TRIM66: variants seen among roughly 807,000 people sequenced by gnomAD.
The protein encoded by TRIM66 is tripartite motif-containing protein 66.
Under a neutral mutation model 148.2 loss-of-function variants are expected in TRIM66, and 99 were observed. The ratio of observed to expected loss-of-function variants is 0.67; its 90% CI spans 0.57 to 0.79. The LOEUF (loss-of-function observed/expected upper bound fraction) is 0.79, where lower values mean the gene tolerates loss of function less well. Among genes scored for constraint, TRIM66 ranks in the 30% least tolerant of loss-of-function variants. The pLI is 0.00. For synonymous variants in TRIM66, 616 were observed against 635.9 expected, an observed-to-expected ratio of 0.97 and a Z score of 0.47; for missense variants, 1,666 against 1,697.9, an observed-to-expected ratio of 0.98 and a Z score of 0.33.
chr11:8,655,026 AT>A (rs2037699994), intron 6 of TRIM66, among the ~76,000 whole-genome samples: 1 of 151,774 alleles, frequency 6.6e-6, no homozygotes, highest in African/African-American at 2.4e-5. Flanking sequence ...ACGCCTGGCT[AT>A]TTTTGTATTT....
At chr11:8,642,184 TAGA>T (rs1232692629) in intron 13 of TRIM66, among the ~76,000 whole-genome samples, 1 of 152,176 alleles carries the variant, frequency 6.6e-6, no homozygotes, top group Non-Finnish European at 1.5e-5. Context: ...GAGACTTACT[TAGA>T]AGAAGTCTGA....
rs546349154 is a variant in TRIM66, at chr11:8,621,225, C to A, written c.3352G>T (p.Val1118Leu). The change falls in exon 20 of 25, where the codon GTG (valine) becomes TTG (leucine). Residue 1118 changes from valine to leucine, a missense_variant. Around this residue, in one of 3 missense-constraint regions of TRIM66, gnomAD observed 1,431 missense variants for 1,412.4 expected, o/e 1.01. Coordinates refer to ENST00000646038, the MANE Select transcript of TRIM66 (RefSeq NM_001388022.1). ...TGTTCTTCAGGAGATGTGCCCTCCA[C>A]TTCTGGTGGCCGCTGCCCAGCCAAA... ...TSLAGQRPPE[V>L]EGTSPEEHRL... The A allele has an allele frequency of 3.0e-4, 461 of 1,551,738 alleles. 6 individuals are homozygous for A. The South Asian group carries it at 5.1e-3, about 17-fold the overall frequency.
chr11:8,640,398 C>T lies in TRIM66; in HGVS notation c.1977G>A (p.Leu659=). ...GCTCCAAGTCCTTCTGCATTTCCTC[C>T]AGCTCAAACTTGTGATGCATTATGT... is the stretch of plus-strand genomic sequence containing the variant. ...NMDIMHHKFE[L]EEMQKDLELL... The change falls in exon 14 of 25, where the codon CTG becomes CTA. Residue 659 remains leucine, a synonymous_variant. Transcript: ENST00000646038. 6.4e-7 allele frequency: 1 copy of T among 1,551,918 alleles called. No homozygotes were observed. Among genetic ancestry groups the T allele is most frequent in the Non-Finnish European group, 8.7e-7 (1 of 1,147,052 alleles).
chr11:8,640,191 G>T (rs533377239), intron 14 of TRIM66, 36 bp downstream of exon 14: 1 of 1,534,542 alleles, frequency 6.5e-7, no homozygotes, highest in African/African-American at 1.4e-5. Context: ...TCCTACGATG[G>T]GCAGAATATG....
intron 6 of TRIM66, chr11:8,663,313 C>G (rs1333378141): frequency 1.3e-5 from 2 of 152,152 alleles, no homozygotes; most frequent in Non-Finnish European, 2.9e-5. Context: ...ATAGTCCCCC[C>G]CTTATTCATG....
chr11:8,624,281 G>T, intron 17 of TRIM66, 78 bp downstream of exon 17: 1 of 1,454,776 alleles, frequency 6.9e-7, no homozygotes, highest in Non-Finnish European at 9.2e-7. Context: ...TTGTCTGCTG[G>T]CCTCTCTTAC....
At chr11:8,657,022 C>T (rs2037885410) in intron 6 of TRIM66, among the ~76,000 whole-genome samples, 1 of 152,182 alleles carries the variant, frequency 6.6e-6, no homozygotes, top group Non-Finnish European at 1.5e-5. Flanking sequence ...AAGACCGCTG[C>T]TGGGACCTAG....
intron 15 of TRIM66, among the ~76,000 whole-genome samples, chr11:8,628,636 A>G (rs76876925): frequency 0.4 from 36,463 of 92,272 alleles, 8,097 homozygotes; most frequent in African/African-American, 0.44. Flanking sequence ...AAAAAAAAAA[A>G]AGAGAGAGAA....
In TRIM66 at chr11:8,624,873, G is replaced by C. The variant is rs1030087569; in HGVS notation, c.2666C>G (p.Thr889Ser). The C allele has an allele frequency of 1.3e-6, 2 of 1,551,724 alleles. No individual in the cohort carries two copies. The highest frequency in any genetic ancestry group is 1.2e-5 in the South Asian group (1 of 84,062). ...AGTTGCCAGACTCGGCACAGCCTGG[G>C]TGTGACCAGACATTAGGCTGGGCCC... is the stretch of plus-strand genomic sequence containing the variant. ...QAGPSLMSGH[T>S]QAVPSLATCP... Residue 889 changes from threonine to serine, a missense_variant, in exon 16 of 25, where the codon ACC becomes AGC. Physicochemically the swap from Thr to Ser is moderately conservative, Grantham distance 58. Around this residue, in one of 3 missense-constraint regions of TRIM66, gnomAD observed 1,431 missense variants for 1,412.4 expected, o/e 1.01. Transcript: ENST00000646038.
chr11:8,672,311 G>T lies in TRIM66; in HGVS notation c.-37C>A, dbSNP rs1205950269. 1 of 1,536,072 alleles carries T rather than the reference G, an allele frequency of 6.5e-7. No individual in the cohort carries two copies. The highest frequency in any genetic ancestry group is 8.7e-7 in the Non-Finnish European group (1 of 1,146,894). Reference sequence around the variant, plus strand: ...AAAACAAAGCGTGGAGGTGTCTGCTGTTTGTCTGAAGGCGAACAAACCCTT... The same window carrying T: ...AAAACAAAGCGTGGAGGTGTCTGCTTTTTGTCTGAAGGCGAACAAACCCTT... On this transcript the variant is annotated 5_prime_UTR_variant, in exon 5 of 25. Coordinates refer to ENST00000646038, the MANE Select transcript of TRIM66 (RefSeq NM_001388022.1).
chr11:8,653,687 G>C lies in TRIM66; in HGVS notation c.341-1784C>G, dbSNP rs565674222. The stretch of plus-strand genomic sequence containing the variant: ...TTAGTTGTTTTAAGCACAAAGTTTA[G>C]AGGTGGCTTGTTATGCAGTAAAAGC... On this transcript the variant is annotated intron_variant, in intron 6 of 24. Transcript: ENST00000646038. 3.3e-5 allele frequency among the ~76,000 whole-genome samples: 5 copies of C among 152,140 alleles called. No individual in the cohort carries two copies. In the East Asian group the frequency reaches 9.7e-4, roughly 29 times the overall value.
At chr11:8,650,227 G>T (rs1444495442) in intron 7 of TRIM66, among the ~76,000 whole-genome samples, 2 of 152,040 alleles carry the variant, frequency 1.3e-5, no homozygotes, top group Non-Finnish European at 2.9e-5. Context: ...ACAAAAATTA[G>T]CCGGGAGTGG....
rs2033827930 is a variant in TRIM66, at chr11:8,617,954, G to C, written c.4169C>G (p.Ser1390Cys). Residue 1390 changes from serine (S) to cysteine (C), a missense_variant, in exon 25 of 25, where the codon TCT becomes TGT. Ser to Cys is a moderately radical substitution (Grantham distance 112, BLOSUM62 -1). Transcript: ENST00000646038. ...RMSFRLANSI[S>C]QV ...GTCTCCTTTTGGCTCTCACACCTGA[G>C]AGATGCTGTTGGCCAGGCGAAATGA... 6.4e-7 allele frequency: 1 copy of C among 1,551,744 alleles called. No homozygotes were observed. The highest frequency in any genetic ancestry group is 2.4e-5 in the East Asian group (1 of 40,922).
At chr11:8,632,097 C>T (rs2035458232) in intron 15 of TRIM66, among the ~76,000 whole-genome samples, 1 of 152,128 alleles carries the variant, frequency 6.6e-6, no homozygotes, top group South Asian at 2.1e-4. Flanking sequence ...CACCTGAGGT[C>T]AGGAGTTCGA....
intron 6 of TRIM66, among the ~76,000 whole-genome samples, chr11:8,660,877 G>A (rs532136090): frequency 7.2e-5 from 11 of 152,342 alleles, no homozygotes; most frequent in African/African-American, 2.6e-4. Context: ...AGATATGAAA[G>A]TGTGAGGTCT....
chr11:8,646,684 A>T (rs2036876255), intron 10 of TRIM66, 123 bp from the exon 11 acceptor site: 6 of 681,600 alleles, frequency 8.8e-6, no homozygotes, highest in Non-Finnish European at 1.5e-5. Flanking sequence ...AGCAGACACC[A>T]AATACAAAAA....
At chr11:8,657,085 CAT>C (rs1157307841) in intron 6 of TRIM66, among the ~76,000 whole-genome samples, 7 of 152,210 alleles carry the variant, frequency 4.6e-5, no homozygotes, top group African/African-American at 1.4e-4. Flanking sequence ...GGGGCCCACA[CAT>C]GTCTGTTTCA....
chr11:8,622,619 T>C (rs771754158), intron 18 of TRIM66, among the ~76,000 whole-genome samples, 197 bp downstream of exon 18: 1 of 151,746 alleles, frequency 6.6e-6, no homozygotes, highest in Non-Finnish European at 1.5e-5. Flanking sequence ...CCAGAGCGCA[T>C]GCCTCGTGGT....
intron 6 of TRIM66, among the ~76,000 whole-genome samples, chr11:8,670,012 T>C (rs777482465): frequency 1.4e-5 from 2 of 138,614 alleles, no homozygotes; most frequent in African/African-American, 2.7e-5. Flanking sequence ...GTTTTGTTTT[T>C]ATTTATTTTT....
Sources: allele counts gnomAD v4.1 joint callset (sites outside exome capture counted in the v4.1 genomes callset), GRCh38; gene constraint gnomAD v4.1.1; regional missense constraint gnomAD v4.1.1; transcripts MANE v1.5; gene names NCBI Gene and HGNC (gene_info 2026-07-23, HGNC 2026-07-21).